Variants in AIM2 observed in about 807,000 individuals in gnomAD.
AIM2 encodes absent in melanoma 2.
AIM2 carries 30 observed loss-of-function variants against 27.7 expected under a neutral mutation model. That is an observed-to-expected ratio of 1.08 (90% CI 0.81 to 1.47). The LOEUF is 1.47. Among genes scored for constraint, AIM2 ranks in the 40% most tolerant of loss-of-function variants. The pLI, the probability that AIM2 is intolerant of heterozygous loss-of-function variation, is 0.00. For missense variants in AIM2, 358 were observed against 411.3 expected, an observed-to-expected ratio of 0.87 and a Z score of 1.12; for synonymous variants, 141 against 145.3, an observed-to-expected ratio of 0.97 and a Z score of 0.21.
intron 1 of AIM2, among the ~76,000 whole-genome samples, chr1:159,124,201 T>TAA (rs142103030): frequency 2.6e-5 from 4 of 152,016 alleles, no homozygotes; most frequent in African/African-American, 9.7e-5. Flanking sequence ...TCTCTTTTTT[T>TAA]AAAAAAAATG....
chr1:159,090,613 T>C (rs2102008369), intron 1 of AIM2, among the ~76,000 whole-genome samples: 1 of 152,318 alleles, frequency 6.6e-6, no homozygotes, highest in South Asian at 2.1e-4. Flanking sequence ...AGTCCAAAAC[T>C]TTACCTTAAG....
chr1:159,124,958 G>T (rs904622779), intron 1 of AIM2, among the ~76,000 whole-genome samples: 5 of 152,220 alleles, frequency 3.3e-5, no homozygotes, highest in Admixed American at 3.3e-4. Context: ...CCACCTTCGA[G>T]TGATGCCTCC....
At chr1:159,094,677 G>A (rs576279929) in intron 1 of AIM2, among the ~76,000 whole-genome samples, 5 of 152,238 alleles carry the variant, frequency 3.3e-5, no homozygotes, top group East Asian at 1.9e-4. Flanking sequence ...CAGCCTGGGC[G>A]ACAGAGCGAG....
chr1:159,123,717 A>G (rs1323699170), intron 1 of AIM2: 1 of 152,258 alleles, frequency 6.6e-6, no homozygotes, highest in Non-Finnish European at 1.5e-5. Context: ...GCCAACCTAC[A>G]ACAAGCGGGT....
intron 1 of AIM2, among the ~76,000 whole-genome samples, chr1:159,129,941 C>T (rs1040147067): frequency 6.6e-6 from 1 of 152,212 alleles, no homozygotes; most frequent in Non-Finnish European, 1.5e-5. Flanking sequence ...GTATACACTC[C>T]TTGCTTCTCC....
upstream of AIM2, among the ~76,000 whole-genome samples, chr1:159,078,601 G>T (rs1245601088): frequency 1.3e-5 from 2 of 152,274 alleles, no homozygotes; most frequent in East Asian, 3.9e-4. Flanking sequence ...TCTCAATGAG[G>T]AGCAGGTACA....
At chr1:159,055,890 T>C in the AIM2 span, among the ~76,000 whole-genome samples, 3 of 152,222 alleles carry the variant, frequency 2.0e-5, no homozygotes, top group Admixed American at 2.0e-4. Flanking sequence ...AAACACGGAA[T>C]AGAAAGGCAA....
At position 159,092,968 on chromosome 1, in the gene AIM2, G is replaced by C. The variant is rs1351257983; in HGVS notation, c.-15-26639C>G. Among the ~76,000 whole-genome samples the C allele has an allele frequency of 2.0e-5, 3 of 152,098 alleles. No individual in the cohort carries two copies. The South Asian group carries it at 6.2e-4, about 31-fold the overall frequency. ...TTGAACCCAGGAGGCGGAGGTTGCA[G>C]TGAGCCAAGATCGCGCCACTACACT... On this transcript the variant is annotated intron_variant, in intron 1 of 2. Transcript: ENST00000368129.
At chr1:159,069,246 A>G (rs1379636757) in intron 2 of AIM2, among the ~76,000 whole-genome samples, 1 of 152,106 alleles carries the variant, frequency 6.6e-6, no homozygotes, top group Non-Finnish European at 1.5e-5. Flanking sequence ...ATTAAAATTC[A>G]ATATCTACTT....
the AIM2 span, among the ~76,000 whole-genome samples, chr1:159,057,297 G>A: frequency 2.6e-5 from 4 of 152,198 alleles, no homozygotes; most frequent in Non-Finnish European, 5.9e-5. Context: ...GTGTCTTGAA[G>A]GATGTTGCAT....
At chr1:159,087,432 TG>T (rs1216088426) in intron 1 of AIM2, among the ~76,000 whole-genome samples, 4 of 152,026 alleles carry the variant, frequency 2.6e-5, no homozygotes, top group African/African-American at 4.8e-5. Context: ...AAGACAAGGA[TG>T]GGGGGATCAG....
Position 159,070,790 on chromosome 1 carries a change from C to T in AIM2, c.263-2089G>A, listed in dbSNP as rs1656321992. 2.6e-5 allele frequency among the ~76,000 whole-genome samples: 4 copies of T among 152,262 alleles called. No homozygotes were observed. In the South Asian group the frequency reaches 8.3e-4, roughly 32 times the overall value. On this transcript the variant is annotated intron_variant, in intron 2 of 5. Transcript: ENST00000368130. The stretch of plus-strand genomic sequence containing the variant: ...CTAGGAAGAAGTTAAACTAACCTTC[C>T]AATGGTAAGTTAGTTCCATGAAATT...
chr1:159,140,215 G>A (rs1307334381), intron 1 of AIM2, among the ~76,000 whole-genome samples: 1 of 152,164 alleles, frequency 6.6e-6, no homozygotes, highest in Admixed American at 6.5e-5. Flanking sequence ...TGGGACCAGT[G>A]GGAGAGAGAT....
chr1:159,105,132 G>A (rs1444960729), intron 1 of AIM2, among the ~76,000 whole-genome samples: 1 of 152,222 alleles, frequency 6.6e-6, no homozygotes, highest in African/African-American at 2.4e-5. Context: ...GTGTGAGCGA[G>A]CAAGTGTGGG....
At chr1:159,141,305 C>T (rs1419745546), upstream of AIM2, among the ~76,000 whole-genome samples, 1 of 152,126 alleles carries the variant, frequency 6.6e-6, no homozygotes, top group Non-Finnish European at 1.5e-5. Context: ...GTTCCAAAAC[C>T]TGTGACTTTC....
At chr1:159,146,107 CAA>C (rs200424411) in intron 1 of AIM2, among the ~76,000 whole-genome samples, 14 of 88,770 alleles carry the variant, frequency 1.6e-4, no homozygotes, top group Admixed American at 1.2e-4. Flanking sequence ...ACTGTCCCCT[CAA>C]AAAAAAAAAA....
intron 1 of AIM2, among the ~76,000 whole-genome samples, chr1:159,135,755 G>A (rs1648000946): frequency 6.6e-6 from 1 of 152,178 alleles, no homozygotes; most frequent in Non-Finnish European, 1.5e-5. Flanking sequence ...ATCAGCAATT[G>A]TTAGTGATTG....
At chr1:159,075,629 G>C (rs1656576772) in intron 1 of AIM2, among the ~76,000 whole-genome samples, 1 of 151,342 alleles carries the variant, frequency 6.6e-6, no homozygotes, top group Non-Finnish European at 1.5e-5. Context: ...GAGAGAGAGA[G>C]AGAGAGCTAA....
At chr1:159,080,506 A>T (rs1656752659), upstream of AIM2, among the ~76,000 whole-genome samples, 1 of 152,224 alleles carries the variant, frequency 6.6e-6, no homozygotes, top group East Asian at 1.9e-4. Context: ...CACAAGTAAA[A>T]GCAAACACCT....
Sources: allele counts gnomAD v4.1 joint callset (sites outside exome capture counted in the v4.1 genomes callset), GRCh38; gene constraint gnomAD v4.1.1; transcripts MANE v1.5; gene names NCBI Gene and HGNC (gene_info 2026-07-23, HGNC 2026-07-21).